The following ARPC2 variants were observed in gnomAD, a reference collection of about 807,000 sequenced individuals.
The protein encoded by ARPC2 is actin related protein 2/3 complex subunit 2.
Under a neutral mutation model 38.6 loss-of-function variants are expected in ARPC2, and 4 were observed. The observed-to-expected ratio is 0.10, with a 90% confidence interval of 0.05 to 0.24. The LOEUF is 0.24. Ranked by LOEUF, ARPC2 falls within the 10% of genes least tolerant of loss-of-function variation. The pLI is 1.00. For missense variants in ARPC2, 229 were observed against 387.3 expected (o/e 0.59, Z 3.43); for synonymous variants, 125 against 140.8 (o/e 0.89, Z 0.79).
At chr2:218,225,475 G>A (rs781005425) in intron 2 of ARPC2, among the ~76,000 whole-genome samples, 29 of 152,188 alleles carry the variant, frequency 1.9e-4, no homozygotes, top group Non-Finnish European at 2.2e-4. Context: ...TTTATGGCCC[G>A]AAATCATCCT....
At chr2:218,253,014 C>A (rs1690230848) in intron 10 of ARPC2, 2 of 456,724 alleles carry the variant, frequency 4.4e-6, no homozygotes, top group African/African-American at 2.0e-5. Context: ...ACCCTGAAAA[C>A]CAGATTATGT....
At chr2:218,247,373 C>G (rs2106158863) in intron 8 of ARPC2, among the ~76,000 whole-genome samples, 1 of 152,314 alleles carries the variant, frequency 6.6e-6, no homozygotes, top group African/African-American at 2.4e-5. Flanking sequence ...TGGAATGTCT[C>G]CTTTGTGAAA....
chr2:218,220,321 CT>C (rs1022399303), intron 2 of ARPC2, among the ~76,000 whole-genome samples: 2 of 152,192 alleles, frequency 1.3e-5, no homozygotes, highest in African/African-American at 4.8e-5. Context: ...TCTTCCATCT[CT>C]GTGATGTCCA....
chr2:218,223,333 T>G (rs1689426252), intron 2 of ARPC2, among the ~76,000 whole-genome samples: 1 of 152,242 alleles, frequency 6.6e-6, no homozygotes, highest in African/African-American at 2.4e-5. Context: ...GCTGTCTAGG[T>G]TATCAGATTG....
At chr2:218,222,366 C>T (rs571501094) in intron 2 of ARPC2, among the ~76,000 whole-genome samples, 2 of 152,206 alleles carry the variant, frequency 1.3e-5, no homozygotes, top group South Asian at 4.1e-4. Context: ...AATACAGTTG[C>T]CAGAAGCCCT....
At chr2:218,238,049 T>A (rs2106153376) in intron 5 of ARPC2, among the ~76,000 whole-genome samples, 2 of 152,344 alleles carry the variant, frequency 1.3e-5, no homozygotes, top group African/African-American at 4.8e-5. Context: ...AAGGTGGTTA[T>A]GGAGATCAAA....
At chr2:218,226,626 C>CAAAAAA (rs34789459) in intron 3 of ARPC2, among the ~76,000 whole-genome samples, 5 of 61,482 alleles carry the variant, frequency 8.1e-5, no homozygotes, top group African/African-American at 2.0e-4. Context: ...GACTCCATCT[C>CAAAAAA]AAAAAAAAAA....
intron 4 of ARPC2, among the ~76,000 whole-genome samples, chr2:218,231,126 ATTAC>A (rs1262599082): frequency 1.3e-5 from 2 of 152,162 alleles, no homozygotes; most frequent in Non-Finnish European, 2.9e-5. Context: ...CAGGAAGGTT[ATTAC>A]TTTGTCACAG....
chr2:218,223,573 G>A (rs1017447748), intron 2 of ARPC2, among the ~76,000 whole-genome samples: 3 of 152,130 alleles, frequency 2.0e-5, no homozygotes, highest in Non-Finnish European at 4.4e-5. Context: ...ACAGATAAGG[G>A]GAGACTGCTG....
At chr2:218,238,643 T>C (rs751058314) in intron 5 of ARPC2, 21 bp from the exon 6 acceptor site, 4 of 1,503,766 alleles carry the variant, frequency 2.7e-6, no homozygotes, top group Non-Finnish European at 3.6e-6. Flanking sequence ...TTTTTGTTTC[T>C]TGTTTTTTCT....
intron 3 of ARPC2, chr2:218,226,929 CAG>C: frequency 2.2e-6 from 1 of 450,862 alleles, no homozygotes; most frequent in Non-Finnish European, 4.5e-6. Context: ...TTCATCAAGT[CAG>C]AGAGAGATGT....
chr2:218,250,147 A>G (rs1432192933), intron 10 of ARPC2, among the ~76,000 whole-genome samples: 1 of 152,226 alleles, frequency 6.6e-6, no homozygotes, highest in Non-Finnish European at 1.5e-5. Flanking sequence ...AATGGCAGCT[A>G]GGAAATAAAC....
In ARPC2 at chr2:218,225,844, G is replaced by C. The variant is rs2106145178; in HGVS notation, c.75-76G>C. The C allele has an allele frequency of 1.8e-5, 25 of 1,402,096 alleles. No homozygotes were observed. In the South Asian group the frequency reaches 2.9e-4, roughly 16 times the overall value. The allele number at this position is 1,402,096 out of a possible 1,614,324, so 86.9% of individuals were successfully genotyped here. A position where few individuals can be genotyped will look rare whatever the true frequency, so the allele number is the denominator to read the frequency against. On this transcript the variant is annotated intron_variant, in intron 2 of 10. Transcript: ENST00000315717. ...ATGGTCTGATCTTAAGTGAAGCTCA[G>C]GTGCCTTTCCAGTTCCCTTTGAAGG...
At chr2:218,234,978 T>C (rs1689733742) in intron 5 of ARPC2, 2 of 407,386 alleles carry the variant, frequency 4.9e-6, no homozygotes, top group East Asian at 7.8e-5. Context: ...ACAGCCTTTT[T>C]ACCCTGTGAT....
At chr2:218,241,988 TGA>T (rs1385325836) in intron 7 of ARPC2, among the ~76,000 whole-genome samples, 1 of 152,230 alleles carries the variant, frequency 6.6e-6, no homozygotes, top group East Asian at 1.9e-4. Flanking sequence ...GGAAAAAGAA[TGA>T]GGGACACCTG....
rs956459357 is a variant in ARPC2, at chr2:218,254,287, A to G, written c.*372A>G. The G allele has an allele frequency of 5.0e-6, 1 of 201,638 alleles. No homozygotes were observed. Among genetic ancestry groups the G allele is most frequent in the Non-Finnish European group, 1.0e-5 (1 of 98,008 alleles). 12.5% of individuals were successfully genotyped at this position (201,638 alleles called of 1,614,324 possible). A position where few individuals can be genotyped will look rare whatever the true frequency, so the allele number is the denominator to read the frequency against. On this transcript the variant is annotated 3_prime_UTR_variant, in exon 11 of 11. Transcript: ENST00000315717. ...TGTTTTCTCCTAAGTATTTGAGTTC[A>G]AAACTCCTGTATCTAAAGAAATACG...
Position 218,229,138 on chromosome 2 carries a change from G to A in ARPC2, c.222+288G>A, listed in dbSNP as rs1689573867. 2.9e-5 allele frequency: 6 copies of A among 204,098 alleles called. No homozygotes were observed. In the South Asian group the frequency reaches 4.7e-4, roughly 16 times the overall value. The allele number at this position is 204,098 out of a possible 1,614,324, so 12.6% of individuals were successfully genotyped here. A position where few individuals can be genotyped will look rare whatever the true frequency, so the allele number is the denominator to read the frequency against. On this transcript the variant is annotated intron_variant, in intron 4 of 10. Transcript: ENST00000315717. Reference sequence around the variant, plus strand: ...CAAAAATAGCTGTTGCAAGAATTAGGTTCTGTTCTATTTTTGTAATATTAT... The same window carrying A: ...CAAAAATAGCTGTTGCAAGAATTAGATTCTGTTCTATTTTTGTAATATTAT...
At chr2:218,238,597 T>A in intron 5 of ARPC2, 67 bp from the exon 6 acceptor site, 1 of 908,794 alleles carries the variant, frequency 1.1e-6, no homozygotes, top group South Asian at 2.1e-5. Context: ...CTGCTTTTTT[T>A]TTTTTTTTTT....
intron 7 of ARPC2, 109 bp downstream of exon 7, chr2:218,239,593 ATT>A (rs34974153): frequency 0.045 from 27,388 of 614,252 alleles, 23 homozygotes; most frequent in East Asian, 0.095. Context: ...TGATGTTAGA[ATT>A]TTTTTTTTTT....
Sources: gnomAD v4.1 joint callset for allele counts (sites outside exome capture counted in the v4.1 genomes callset) on GRCh38, gnomAD v4.1.1 for gene constraint, MANE v1.5 for transcripts, NCBI Gene and HGNC (gene_info 2026-07-23, HGNC 2026-07-21) for gene names.